Variants in ARHGAP10 observed in about 807,000 individuals in gnomAD.
ARHGAP10 encodes the protein rho GTPase-activating protein 10.
Under a neutral mutation model 108.6 loss-of-function variants are expected in ARHGAP10, and 87 were observed. That is an observed-to-expected ratio of 0.80 (90% CI 0.67 to 0.96). The LOEUF is 0.96. ARHGAP10 is among the 40% of genes least tolerant of loss of function. The pLI is 0.00. For synonymous variants in ARHGAP10, 347 were observed against 341.1 expected (o/e 1.02, Z -0.19); for missense variants, 939 against 954.5 (o/e 0.98, Z 0.21).
intron 18 of ARHGAP10, among the ~76,000 whole-genome samples, chr4:148,006,546 G>A (rs898784057): frequency 2.8e-4 from 43 of 152,236 alleles, no homozygotes; most frequent in African/African-American, 1.0e-3. Flanking sequence ...GCATTAGAGA[G>A]CTCTTTCATC....
chr4:147,939,748 A>G, intron 13 of ARHGAP10, 77 bp from the exon 14 acceptor site: 2 of 1,297,386 alleles, frequency 1.5e-6, no homozygotes, highest in Non-Finnish European at 2.2e-6. Context: ...GTTAGCAAAG[A>G]TTTTGAATGC....
intron 3 of ARHGAP10, among the ~76,000 whole-genome samples, chr4:147,832,533 G>C (rs1362682306): frequency 6.6e-6 from 1 of 150,686 alleles, no homozygotes; most frequent in Non-Finnish European, 1.5e-5. Context: ...TGTAATCCTA[G>C]CTACTTAGGA....
At chr4:147,929,967 A>G (rs1482204286) in intron 13 of ARHGAP10, among the ~76,000 whole-genome samples, 2 of 152,230 alleles carry the variant, frequency 1.3e-5, no homozygotes, top group Non-Finnish European at 2.9e-5. Context: ...ATATATGCAC[A>G]TGTGCCTCAT....
At chr4:147,749,319 A>G (rs1047775585) in intron 1 of ARHGAP10, among the ~76,000 whole-genome samples, 3 of 152,214 alleles carry the variant, frequency 2.0e-5, no homozygotes, top group African/African-American at 4.8e-5. Context: ...AATATTTATA[A>G]CACCTTAGCT....
At chr4:147,789,724 G>A (rs1345084692) in intron 1 of ARHGAP10, among the ~76,000 whole-genome samples, 3 of 152,218 alleles carry the variant, frequency 2.0e-5, no homozygotes, top group Non-Finnish European at 2.9e-5. Flanking sequence ...AGTGCACACA[G>A]CTAGGTGGTA....
In ARHGAP10 at chr4:147,840,018, T is replaced by TC. The variant is rs1295539082; in HGVS notation, c.313-7132dup. ...ACAGCATGGAAATGTACTTTGTACT[T>TC]CTGTGTCTCCCAGCTCATTTAGAAT... On this transcript the variant is annotated intron_variant, in intron 3 of 22. Transcript: ENST00000336498. Among the ~76,000 whole-genome samples the TC allele has an allele frequency of 3.3e-5, 5 of 152,314 alleles. No individual in the cohort carries two copies. The East Asian group carries it at 9.6e-4, about 29-fold the overall frequency.
At chr4:147,951,234 C>G (rs1015357829) in intron 15 of ARHGAP10, among the ~76,000 whole-genome samples, 3 of 151,990 alleles carry the variant, frequency 2.0e-5, no homozygotes, top group Admixed American at 6.6e-5. Context: ...TCATTCCCCC[C>G]CTCCCTCGAC....
intron 10 of ARHGAP10, among the ~76,000 whole-genome samples, chr4:147,886,494 C>T (rs1007439252): frequency 6.6e-6 from 1 of 152,170 alleles, no homozygotes; most frequent in Non-Finnish European, 1.5e-5. Context: ...CCAGTTAAGC[C>T]CTACAGTCTG....
At chr4:148,004,850 G>A (rs1025560193) in intron 18 of ARHGAP10, among the ~76,000 whole-genome samples, 2 of 152,192 alleles carry the variant, frequency 1.3e-5, no homozygotes, top group Non-Finnish European at 2.9e-5. Context: ...GGACCCATGG[G>A]AACTTTGAGA....
intron 20 of ARHGAP10, among the ~76,000 whole-genome samples, chr4:148,047,408 C>G (rs148936757): frequency 0.013 from 1,974 of 152,334 alleles, 19 homozygotes; most frequent in South Asian, 0.019. Context: ...TGGACAGACT[C>G]TTGAAACTGT....
intron 18 of ARHGAP10, among the ~76,000 whole-genome samples, chr4:147,975,959 C>T (rs1387408881): frequency 6.6e-6 from 1 of 152,154 alleles, no homozygotes; most frequent in Non-Finnish European, 1.5e-5. Context: ...ATTGGTGCTC[C>T]TAGGTTCATT....
chr4:148,021,627 T>C (rs1252897041), intron 18 of ARHGAP10, among the ~76,000 whole-genome samples: 1 of 152,202 alleles, frequency 6.6e-6, no homozygotes, highest in African/African-American at 2.4e-5. Context: ...TCCTTCACTG[T>C]TATCGGACTT....
At chr4:147,743,001 T>A (rs1453313689) in intron 1 of ARHGAP10, among the ~76,000 whole-genome samples, 1 of 151,788 alleles carries the variant, frequency 6.6e-6, no homozygotes, top group Non-Finnish European at 1.5e-5. Flanking sequence ...ATCGGGCAGA[T>A]TCTCTGCCAT....
At chr4:147,873,008 G>C (rs1224793048) in intron 7 of ARHGAP10, among the ~76,000 whole-genome samples, 1 of 152,162 alleles carries the variant, frequency 6.6e-6, no homozygotes, top group Non-Finnish European at 1.5e-5. Context: ...CCATGTGTAA[G>C]TAGATCCACA....
rs1157191862 is a variant in ARHGAP10 at position 147,810,934 on chromosome 4, GA to G, written c.155-11791del. Among the ~76,000 whole-genome samples, 3 of 152,320 alleles carry G rather than the reference GA, an allele frequency of 2.0e-5. No homozygotes were observed. The East Asian group carries it at 5.8e-4, about 29-fold the overall frequency. On this transcript the variant is annotated intron_variant, in intron 1 of 22. Transcript: ENST00000336498. Reference sequence around the variant, plus strand: ...CTGTGGTTATGGCAGTGAACAAAATGAATAGAAATATCCCTGACCTCAGAGT... The same window carrying G: ...CTGTGGTTATGGCAGTGAACAAAATGATAGAAATATCCCTGACCTCAGAGT...
chr4:147,734,321 G>T (rs368743426), intron 1 of ARHGAP10, among the ~76,000 whole-genome samples: 1 of 152,086 alleles, frequency 6.6e-6, no homozygotes, highest in African/African-American at 2.4e-5. Flanking sequence ...CATCTGGGGG[G>T]CCAGATGTCA....
At chr4:147,797,272 A>G (rs1731354248) in intron 1 of ARHGAP10, among the ~76,000 whole-genome samples, 1 of 151,776 alleles carries the variant, frequency 6.6e-6, no homozygotes, top group Non-Finnish European at 1.5e-5. Context: ...TACCCTCCAG[A>G]TGAAGATCCA....
At chr4:147,756,186 A>C (rs1488572536) in intron 1 of ARHGAP10, among the ~76,000 whole-genome samples, 1 of 151,456 alleles carries the variant, frequency 6.6e-6, no homozygotes, top group Admixed American at 6.6e-5. Flanking sequence ...AGGCTTTCCC[A>C]GGACTCTCCA....
At chr4:147,882,654 G>A (rs1476434796) in intron 10 of ARHGAP10, among the ~76,000 whole-genome samples, 1 of 152,140 alleles carries the variant, frequency 6.6e-6, no homozygotes, top group African/African-American at 2.4e-5. Flanking sequence ...ACGTGATGGA[G>A]GGTCTTAGGC....
Sources: allele counts gnomAD v4.1 joint callset (sites outside exome capture counted in the v4.1 genomes callset), GRCh38; gene constraint gnomAD v4.1.1; transcripts MANE v1.5; gene names NCBI Gene and HGNC (gene_info 2026-07-23, HGNC 2026-07-21).